DLGAP2: variants seen among roughly 807,000 people sequenced by gnomAD.
The protein encoded by DLGAP2 is disks large-associated protein 2.
In DLGAP2, 26 loss-of-function variants were observed where a neutral mutation model predicts 100.3. That is an observed-to-expected ratio of 0.26 (90% CI 0.19 to 0.36). The LOEUF (loss-of-function observed/expected upper bound fraction) is 0.36, where lower values mean the gene tolerates loss of function less well. DLGAP2 is among the 10% of genes least tolerant of loss of function. DLGAP2 has a pLI of 1.00. For missense variants in DLGAP2, 1,858 were observed against 1,453.2 expected, an observed-to-expected ratio of 1.28 and a Z score of -4.53; for synonymous variants, 886 against 630.1, an observed-to-expected ratio of 1.41 and a Z score of -6.08.
intron 6 of DLGAP2, among the ~76,000 whole-genome samples, chr8:1,607,708 C>A (rs1056535752): frequency 1.6e-4 from 25 of 152,300 alleles, no homozygotes; most frequent in African/African-American, 6.0e-4. Context: ...CGAAGCAGGG[C>A]GAGGCATTGC....
chr8:1,076,829 CA>C (rs1803628962), intron 2 of DLGAP2, among the ~76,000 whole-genome samples: 2 of 140,094 alleles, frequency 1.4e-5, no homozygotes, highest in East Asian at 4.2e-4. Flanking sequence ...GGCCCCCCCC[CA>C]AGACCAAGAG....
intron 1 of DLGAP2, among the ~76,000 whole-genome samples, chr8:859,520 A>G (rs1179017882): frequency 6.6e-6 from 1 of 151,772 alleles, no homozygotes; most frequent in African/African-American, 2.4e-5. Flanking sequence ...CATTCTTCTA[A>G]CTCTGTGGCT....
At chr8:1,134,083 C>T (rs530640072) in intron 2 of DLGAP2, among the ~76,000 whole-genome samples, 2 of 151,472 alleles carry the variant, frequency 1.3e-5, no homozygotes, top group East Asian at 3.9e-4. Context: ...ACTTATAAGA[C>T]AGAACATGTG....
chr8:1,422,376 A>C (rs990302094), intron 3 of DLGAP2, among the ~76,000 whole-genome samples: 5 of 152,148 alleles, frequency 3.3e-5, no homozygotes, highest in African/African-American at 1.2e-4. Flanking sequence ...AAGTTACACA[A>C]CTCAAGTCTT....
At chr8:1,230,470 A>T (rs560391946) in intron 2 of DLGAP2, among the ~76,000 whole-genome samples, 6 of 152,370 alleles carry the variant, frequency 3.9e-5, no homozygotes, top group African/African-American at 1.4e-4. Flanking sequence ...TATTCCTATC[A>T]AACTACCAAA....
At chr8:1,425,182 A>G (rs777208630) in intron 3 of DLGAP2, among the ~76,000 whole-genome samples, 9 of 152,250 alleles carry the variant, frequency 5.9e-5, no homozygotes, top group Admixed American at 1.3e-4. Flanking sequence ...GCCTAACTCC[A>G]TAGCCTCAGT....
At chr8:1,664,618 C>T (rs1331995257) in intron 8 of DLGAP2, among the ~76,000 whole-genome samples, 3 of 152,200 alleles carry the variant, frequency 2.0e-5, no homozygotes, top group African/African-American at 4.8e-5. Flanking sequence ...TCTTCAGCCC[C>T]CTTATCAATG....
intron 6 of DLGAP2, among the ~76,000 whole-genome samples, chr8:1,616,228 A>G (rs975036492): frequency 1.1e-4 from 16 of 152,188 alleles, no homozygotes; most frequent in African/African-American, 3.1e-4. Context: ...AAGATATTAA[A>G]AAAAAGAATA....
chr8:1,001,557 C>G (rs968286619), intron 2 of DLGAP2, among the ~76,000 whole-genome samples: 1 of 152,068 alleles, frequency 6.6e-6, no homozygotes, highest in East Asian at 1.9e-4. Context: ...AAACCTCAAA[C>G]GAAAGTTACG....
intron 3 of DLGAP2, among the ~76,000 whole-genome samples, chr8:1,269,408 C>T (rs1400028234): frequency 6.6e-6 from 1 of 152,158 alleles, no homozygotes; most frequent in Non-Finnish European, 1.5e-5. Flanking sequence ...TTGCGGTGAG[C>T]CTAGGTCAGA....
intron 3 of DLGAP2, among the ~76,000 whole-genome samples, chr8:1,329,090 A>G (rs984759688): frequency 3.9e-5 from 6 of 152,182 alleles, no homozygotes; most frequent in Non-Finnish European, 8.8e-5. Flanking sequence ...ACAAGCGACA[A>G]GCGACGAGTG....
intron 1 of DLGAP2, among the ~76,000 whole-genome samples, chr8:790,476 A>G (rs934167008): frequency 3.3e-5 from 5 of 152,204 alleles, no homozygotes; most frequent in Non-Finnish European, 7.3e-5. Flanking sequence ...GTTACCTTAT[A>G]AATGCTTAGC....
chr8:1,215,888 C>T (rs11136362), intron 2 of DLGAP2, among the ~76,000 whole-genome samples: 2 of 105,714 alleles, frequency 1.9e-5, no homozygotes, highest in Non-Finnish European at 3.8e-5. Flanking sequence ...CAGGTACCTC[C>T]ATGGGTTCAT....
Position 763,409 on chromosome 8 carries a change from C to G in DLGAP2, c.18+25584C>G, listed in dbSNP as rs944993688. 3.3e-5 allele frequency among the ~76,000 whole-genome samples: 5 copies of G among 152,210 alleles called. No individual in the cohort carries two copies. The South Asian group carries it at 8.3e-4, about 25-fold the overall frequency. On this transcript the variant is annotated intron_variant, in intron 1 of 14. Coordinates refer to ENST00000637795, the MANE Select transcript of DLGAP2 (RefSeq NM_001346810.2). The stretch of plus-strand genomic sequence containing the variant: ...AAACTGCTTGAATCTGAAGGGGGAG[C>G]TTCACTGTTGCTGCCGTGCTCTTCT...
At chr8:1,189,060 C>T (rs186257715) in intron 2 of DLGAP2, among the ~76,000 whole-genome samples, 1,854 of 148,710 alleles carry the variant, frequency 0.012, 34 homozygotes, top group Middle Eastern at 0.025. Flanking sequence ...GTTGAGCATA[C>T]ACAGGGTTCG....
rs116977791 is a variant in DLGAP2 at position 1,458,623 on chromosome 8, A to T, written c.107-42743A>T. Among the ~76,000 whole-genome samples, 1,190 of 152,334 alleles carry T rather than the reference A, an allele frequency of 7.8e-3. 9 individuals carry two copies. The highest frequency in any genetic ancestry group is 0.051 in the Middle Eastern group (15 of 294). ...GTGTCTATGGTTTTTTATCAAACTC[A>T]AAACAATCTCTGAGCCTCCAGCAGC... On this transcript the variant is annotated intron_variant, in intron 3 of 14. Transcript: ENST00000637795.
intron 1 of DLGAP2, among the ~76,000 whole-genome samples, chr8:855,246 C>T (rs947252921): frequency 6.6e-6 from 1 of 152,194 alleles, no homozygotes; most frequent in African/African-American, 2.4e-5. Flanking sequence ...CATTTCCTTT[C>T]TCTTTTTTCA....
At chr8:944,327 G>A (rs558976008) in intron 2 of DLGAP2, among the ~76,000 whole-genome samples, 2 of 152,154 alleles carry the variant, frequency 1.3e-5, no homozygotes, top group South Asian at 2.1e-4. Context: ...ACCAGTCCAT[G>A]TGGGTGATCC....
At chr8:1,415,070 C>A (rs1796841241) in intron 3 of DLGAP2, among the ~76,000 whole-genome samples, 1 of 152,280 alleles carries the variant, frequency 6.6e-6, no homozygotes, top group East Asian at 1.9e-4. Context: ...ACTTGTCCAG[C>A]CTTTGGCTGT....
Sources: allele counts gnomAD v4.1 joint callset (sites outside exome capture counted in the v4.1 genomes callset), GRCh38; gene constraint gnomAD v4.1.1; transcripts MANE v1.5; gene names NCBI Gene and HGNC (gene_info 2026-07-23, HGNC 2026-07-21).